The following SUMF1 variants were observed in gnomAD, a reference collection of about 807,000 sequenced individuals.
SUMF1 encodes sulfatase modifying factor 1, also known as formylglycine-generating enzyme.
Under a neutral mutation model 47.6 loss-of-function variants are expected in SUMF1, and 48 were observed. That is an observed-to-expected ratio of 1.01 (90% CI 0.80 to 1.28). The LOEUF (loss-of-function observed/expected upper bound fraction) is 1.28. Among genes scored for constraint, SUMF1 ranks in the 50% most tolerant of loss-of-function variants. The pLI, the probability that SUMF1 is intolerant of heterozygous loss-of-function variation, is 0.00. For synonymous variants in SUMF1, 230 were observed against 192.1 expected, an observed-to-expected ratio of 1.20 and a Z score of -1.63; for missense variants, 571 against 485.4, an observed-to-expected ratio of 1.18 and a Z score of -1.66.
chr3:4,219,345 G>A (rs1278237611), intron 8 of SUMF1, among the ~76,000 whole-genome samples: 1 of 152,162 alleles, frequency 6.6e-6, no homozygotes, highest in East Asian at 1.9e-4. Context: ...GGAAAGCTGA[G>A]GCTCAGGGAA....
intron 8 of SUMF1, among the ~76,000 whole-genome samples, chr3:4,290,317 G>A (rs1697715057): frequency 6.7e-6 from 1 of 148,930 alleles, no homozygotes; most frequent in South Asian, 2.1e-4. Flanking sequence ...AAAGGAAAAC[G>A]TTTATCTGAA....
intron 8 of SUMF1, among the ~76,000 whole-genome samples, chr3:4,279,604 T>C (rs1270041494): frequency 6.6e-6 from 1 of 152,046 alleles, no homozygotes; most frequent in East Asian, 1.9e-4. Context: ...TGGGAATGCA[T>C]TCTCTGTGGG....
rs1368462088 is a variant in SUMF1 at position 4,081,145 on chromosome 3, T to C, written c.1015-12400A>G. Among the ~76,000 whole-genome samples the C allele has an allele frequency of 2.0e-5, 3 of 152,126 alleles. No individual in the cohort carries two copies. In the East Asian group the frequency reaches 5.8e-4, roughly 29 times the overall value. On this transcript the variant is annotated intron_variant and NMD_transcript_variant, in intron 8 of 12. Transcript: ENST00000448413. Reference sequence around the variant, plus strand: ...TATGTATTGCCTCCTATTTTACAGATAAAGAAACTAAAGTTCAGAGAAGAG... The same window carrying C: ...TATGTATTGCCTCCTATTTTACAGACAAAGAAACTAAAGTTCAGAGAAGAG...
chr3:4,070,810 T>C lies in SUMF1; in HGVS notation c.1015-2065A>G, dbSNP rs984068169. On this transcript the variant is annotated intron_variant and NMD_transcript_variant, in intron 8 of 12. Coordinates refer to the SUMF1 transcript ENST00000448413. ...GCTACCACGCCTAATTTTTTGCATA[T>C]TTAGTAGAGACGGGGTTTCACCATG... Among the ~76,000 whole-genome samples, 4 of 152,014 alleles carry C rather than the reference T, an allele frequency of 2.6e-5. 1 individual carries two copies. The highest frequency in any genetic ancestry group is 2.6e-4 in the Admixed American group (4 of 15,260).
At chr3:4,229,686 A>G (rs1020460168) in intron 8 of SUMF1, among the ~76,000 whole-genome samples, 1 of 152,142 alleles carries the variant, frequency 6.6e-6, no homozygotes, top group African/African-American at 2.4e-5. Flanking sequence ...CAGAATTTCC[A>G]AATAGATACA....
intron 7 of SUMF1, among the ~76,000 whole-genome samples, chr3:4,381,357 C>T (rs116454292): frequency 1.7e-4 from 26 of 152,106 alleles, no homozygotes; most frequent in South Asian, 4.1e-4. Flanking sequence ...AAGGGGGTGA[C>T]GGATAAAAGG....
At chr3:4,149,988 T>C (rs777123158) in intron 8 of SUMF1, among the ~76,000 whole-genome samples, 4 of 152,186 alleles carry the variant, frequency 2.6e-5, no homozygotes, top group Non-Finnish European at 5.9e-5. Flanking sequence ...AGATTTGGTT[T>C]ACTGATTTAT....
At chr3:4,104,104 G>C (rs908593778) in intron 8 of SUMF1, among the ~76,000 whole-genome samples, 1 of 152,052 alleles carries the variant, frequency 6.6e-6, no homozygotes, top group African/African-American at 2.4e-5. Context: ...TTGAATTGTA[G>C]CTCCCATTAT....
intron 8 of SUMF1, among the ~76,000 whole-genome samples, chr3:4,107,348 T>C (rs1693181396): frequency 1.3e-5 from 2 of 152,122 alleles, no homozygotes; most frequent in Non-Finnish European, 1.5e-5. Flanking sequence ...TGTTTTGCAG[T>C]AGTGTGCTGT....
intron 9 of SUMF1, among the ~76,000 whole-genome samples, chr3:4,056,233 T>G (rs1475568420): frequency 2.6e-5 from 4 of 152,142 alleles, no homozygotes; most frequent in African/African-American, 4.8e-5. Context: ...TGTCTTCTGA[T>G]CCCAAAAGAT....
chr3:4,215,940 A>G (rs1222863457), intron 8 of SUMF1, among the ~76,000 whole-genome samples: 1 of 152,192 alleles, frequency 6.6e-6, no homozygotes, highest in Non-Finnish European at 1.5e-5. Context: ...AGGAAGAATC[A>G]ATACTGTGAC....
chr3:4,079,336 A>G (rs939814920), intron 8 of SUMF1, among the ~76,000 whole-genome samples: 1 of 152,086 alleles, frequency 6.6e-6, no homozygotes, highest in Non-Finnish European at 1.5e-5. Flanking sequence ...TTTACCTCAC[A>G]TGCCCATTTT....
intron 8 of SUMF1, among the ~76,000 whole-genome samples, chr3:4,321,122 G>C (rs963331932): frequency 4.6e-5 from 7 of 152,140 alleles, no homozygotes; most frequent in South Asian, 2.1e-4. Context: ...TTAAGCAAAG[G>C]AAGGATGATC....
At chr3:4,443,016 CT>C (rs2125106649) in intron 3 of SUMF1, among the ~76,000 whole-genome samples, 1 of 151,368 alleles carries the variant, frequency 6.6e-6, no homozygotes, top group East Asian at 2.0e-4. Flanking sequence ...TGGCTCATGT[CT>C]GTAATCCTAG....
intron 8 of SUMF1, among the ~76,000 whole-genome samples, chr3:4,305,294 C>A (rs1161117257): frequency 6.6e-6 from 1 of 152,100 alleles, no homozygotes; most frequent in African/African-American, 2.4e-5. Context: ...CCATGTTGCC[C>A]AGGCTGGTCT....
intron 8 of SUMF1, among the ~76,000 whole-genome samples, chr3:4,365,567 T>C (rs1408815379): frequency 6.9e-6 from 1 of 145,478 alleles, no homozygotes; most frequent in Non-Finnish European, 1.5e-5. Flanking sequence ...TCCGTTTGCT[T>C]GGTAGATCTT....
chr3:4,137,620 A>T (rs1034263454), intron 8 of SUMF1, among the ~76,000 whole-genome samples: 1 of 152,166 alleles, frequency 6.6e-6, no homozygotes, highest in African/African-American at 2.4e-5. Flanking sequence ...TTAAAGTATA[A>T]TTAAAAACAA....
At chr3:4,106,225 G>A (rs1365427452) in intron 8 of SUMF1, among the ~76,000 whole-genome samples, 1 of 152,040 alleles carries the variant, frequency 6.6e-6, no homozygotes, top group Non-Finnish European at 1.5e-5. Flanking sequence ...TAGGCTATGT[G>A]ATCGGGCATC....
At chr3:4,090,511 A>G (rs890613650) in intron 8 of SUMF1, among the ~76,000 whole-genome samples, 1 of 152,160 alleles carries the variant, frequency 6.6e-6, no homozygotes, top group African/African-American at 2.4e-5. Context: ...ATTGGAATTA[A>G]GCAGGTTGGA....
Sources: allele counts gnomAD v4.1 joint callset (sites outside exome capture counted in the v4.1 genomes callset), GRCh38; gene constraint gnomAD v4.1.1; transcripts MANE v1.5; gene names NCBI Gene and HGNC (gene_info 2026-07-23, HGNC 2026-07-21).